SRRM2: variants seen among roughly 807,000 people sequenced by gnomAD.
The protein encoded by SRRM2 is serine/arginine repetitive matrix 2, also known as serine/arginine repetitive matrix protein 2.
SRRM2 carries 30 observed loss-of-function variants against 213.8 expected under a neutral mutation model. The observed-to-expected ratio is 0.14, with a 90% CI of 0.10 to 0.19. The LOEUF (loss-of-function observed/expected upper bound fraction) is 0.19. Among genes scored for constraint, SRRM2 ranks in the 10% least tolerant of loss-of-function variants. SRRM2 has a pLI of 1.00. For missense variants in SRRM2, 4,904 were observed against 3,647.0 expected (o/e 1.34, Z -8.88); for synonymous variants, 2,025 against 1,377.7 (o/e 1.47, Z -10.40).
At chr16:2,754,928 A>C (rs555897079) in intron 1 of SRRM2, among the ~76,000 whole-genome samples, 15 of 151,992 alleles carry the variant, frequency 9.9e-5, no homozygotes, top group Non-Finnish European at 1.9e-4. Flanking sequence ...TTGGGTAGGG[A>C]CCCATCCTTA....
At position 2,763,440 on chromosome 16, in the gene SRRM2, G is replaced by T. The variant is rs1311607994; in HGVS notation, c.2912G>T (p.Gly971Val). 2 of 1,613,940 alleles carry T rather than the reference G, an allele frequency of 1.2e-6. No individual in the cohort carries two copies. Among genetic ancestry groups the T allele is most frequent in the East Asian group, 2.2e-5 (1 of 44,890 alleles). Residue 971 changes from glycine (G) to valine (V), a missense_variant, in exon 11 of 15, where the codon GGG (glycine) becomes GTG (valine). By Grantham distance (109) the Gly-to-Val change is moderately radical. Transcript: ENST00000301740. The stretch of plus-strand genomic sequence containing the variant: ...TTGTTGCCAAGATACAGTCATTCTG[G>T]GTCCTCCTCACCAGATACCAAAGTG... ...SRLLPRYSHS[G>V]SSSPDTKVKP...
intron 1 of SRRM2, among the ~76,000 whole-genome samples, 192 bp downstream of exon 1, chr16:2,753,038 C>CG (rs888937524): frequency 2.0e-5 from 3 of 147,712 alleles, no homozygotes; most frequent in African/African-American, 7.7e-5. Context: ...CGGGCTTCAC[C>CG]CCCCCCCGCC....
At chr16:2,770,097 C>G in intron 12 of SRRM2, 1 of 1,382,866 alleles carries the variant, frequency 7.2e-7, no homozygotes, top group Non-Finnish European at 9.4e-7. Flanking sequence ...CCGTGCGTGC[C>G]TTTCTTCACC....
Position 2,766,241 on chromosome 16 carries a change from T to C in SRRM2, c.5713T>C (p.Ser1905Pro), listed in dbSNP as rs1187281639. 6.2e-7 allele frequency: 1 copy of C among 1,613,974 alleles called. No individual in the cohort carries two copies. The highest frequency in any genetic ancestry group is 8.5e-7 in the Non-Finnish European group (1 of 1,180,026). ...CCGGAGACGGTCAAGGTCCAGGACT[T>C]CAGTGACTCGACGAAGATCCCGGTC... ...VSRRRSRSRT[S>P]VTRRRSRSRA... is the part of the protein sequence containing the mutation. Residue 1905 changes from serine (S) to proline (P), a missense_variant, in exon 11 of 15, where the codon TCA (serine) becomes CCA (proline). Ser to Pro is a moderately conservative substitution (Grantham distance 74, BLOSUM62 -1). Coordinates refer to ENST00000301740, the MANE Select transcript of SRRM2 (RefSeq NM_016333.4). This position sits in a 1 kb window ranked among gnomAD's most constrained non-coding sequence, Gnocchi z 7.0.
At chr16:2,769,549 G>A (rs1305424649) in intron 12 of SRRM2, 4 of 645,988 alleles carry the variant, frequency 6.2e-6, no homozygotes, top group Admixed American at 4.2e-5. Context: ...CTGTTCCCAG[G>A]GTTCTAGCTT....
chr16:2,765,792 C>A lies in SRRM2; in HGVS notation c.5264C>A (p.Thr1755Lys), dbSNP rs1365123529. ...TCAGCTTCATCTCCACGCACTAAGACAACCTCAAGGAGAGGCCGCTCTCCT... is the reference window on the plus strand; with the variant it reads ...TCAGCTTCATCTCCACGCACTAAGAAAACCTCAAGGAGAGGCCGCTCTCCT... ...RRSASSPRTK[T>K]TSRRGRSPSP... The change falls in exon 11 of 15, where the codon ACA (threonine) becomes AAA (lysine). Residue 1755 changes from threonine (T) to lysine (K), a missense_variant. By Grantham distance (78) the Thr-to-Lys change is moderately conservative. Transcript: ENST00000301740. 1.2e-6 allele frequency: 2 copies of A among 1,614,144 alleles called. No individual in the cohort carries two copies. The highest frequency in any genetic ancestry group is 3.3e-5 in the Admixed American group (2 of 60,030).
At chr16:2,759,276 C>T (rs1299430779) in intron 7 of SRRM2, 76 bp from the exon 8 acceptor site, 121 of 1,605,910 alleles carry the variant, frequency 7.5e-5, no homozygotes, top group Non-Finnish European at 9.4e-5. Context: ...GTCAACACTC[C>T]CTCTTTCCAT....
intron 4 of SRRM2, 23 bp from the exon 5 acceptor site, chr16:2,758,447 T>A: frequency 6.3e-7 from 1 of 1,598,078 alleles, no homozygotes; most frequent in Non-Finnish European, 8.6e-7. Flanking sequence ...CACCCATCTC[T>A]GCTGCTTTTC....
chr16:2,769,524 C>G (rs1403531145), intron 12 of SRRM2: 4 of 635,700 alleles, frequency 6.3e-6, no homozygotes, highest in Non-Finnish European at 1.1e-5. Flanking sequence ...TCCTCTCCCT[C>G]CCTCAACACA....
intron 10 of SRRM2, among the ~76,000 whole-genome samples, chr16:2,761,138 C>T (rs931734787): frequency 5.9e-5 from 9 of 152,186 alleles, no homozygotes; most frequent in South Asian, 2.1e-4. Context: ...TCCTGGGCTG[C>T]TTTTTTACTC....
Position 2,766,538 on chromosome 16 carries a change from A to G in SRRM2, c.6010A>G (p.Arg2004Gly), listed in dbSNP as rs758332102. The stretch of plus-strand genomic sequence containing the variant: ...ATCTCGCACATCTCCAGTAACTCGA[A>G]GAAGGTCCCGCTCTCGAACCTCACC... ...SRSRTSPVTRRRSRSRTSPVT... is the reference protein window; with the variant it reads ...SRSRTSPVTRGRSRSRTSPVT... Residue 2004 changes from arginine to glycine, a missense_variant, in exon 11 of 15, where the codon AGA becomes GGA. By Grantham distance (125) the Arg-to-Gly change is moderately radical (BLOSUM62 -2). Coordinates refer to ENST00000301740, the MANE Select transcript of SRRM2 (RefSeq NM_016333.4). This position sits in a 1 kb window ranked among gnomAD's most constrained non-coding sequence, Gnocchi z 7.0. 1.4e-5 allele frequency: 22 copies of G among 1,613,554 alleles called. No individual in the cohort carries two copies. In the South Asian group the frequency reaches 2.2e-4, roughly 16 times the overall value.
Position 2,759,333 on chromosome 16 carries a change from A to G in SRRM2, c.690-19A>G, listed in dbSNP as rs752474487. The G allele has an allele frequency of 1.6e-5, 25 of 1,609,010 alleles. No homozygotes were observed. Among genetic ancestry groups the G allele is most frequent in the African/African-American group, 1.5e-4 (11 of 74,480 alleles). On this transcript the variant is annotated intron_variant, in intron 7 of 14. Coordinates refer to ENST00000301740, the MANE Select transcript of SRRM2 (RefSeq NM_016333.4). The stretch of plus-strand genomic sequence containing the variant: ...TTTTTTAAAGAAGTTACTTTTAACA[A>G]CCTTTCCTTATTTCCCAGGTCTCCC...
In SRRM2 at chr16:2,769,146, C is replaced by T. The variant is rs778293989; in HGVS notation, c.7883C>T (p.Ser2628Phe). Residue 2628 changes from serine to phenylalanine, a missense_variant, in exon 12 of 15, where the codon TCC becomes TTC. Physicochemically the swap from Ser to Phe is radical, Grantham distance 155 (BLOSUM62 -2). Coordinates refer to ENST00000301740, the MANE Select transcript of SRRM2 (RefSeq NM_016333.4). ...TCCTCCTCCTCCTCCTCCTCTTCTT[C>T]CTCCTCCTCTTCCTCTTCTTCTTCT... is the stretch of plus-strand genomic sequence containing the variant. ...SSSSSSSSSSSSSSSSSSSSS... is the reference protein window; with the variant it reads ...SSSSSSSSSSFSSSSSSSSSS... The T allele has an allele frequency of 1.9e-6, 3 of 1,612,378 alleles. No homozygotes were observed. The highest frequency in any genetic ancestry group is 1.3e-5 in the African/African-American group (1 of 74,984).
chr16:2,764,085 A>C lies in SRRM2; in HGVS notation c.3557A>C (p.Lys1186Thr), dbSNP rs1262617545. 3 of 1,614,016 alleles carry C rather than the reference A, an allele frequency of 1.9e-6. No homozygotes were observed. The highest frequency in any genetic ancestry group is 1.7e-5 in the Admixed American group (1 of 60,004). Reference protein sequence around the residue: ...ATASPPRQKDKFSPFPVQDRP... With the variant: ...ATASPPRQKDTFSPFPVQDRP... The stretch of plus-strand genomic sequence containing the variant: ...GCATCACCTCCTAGACAGAAAGACA[A>C]ATTTAGTCCCTTTCCAGTACAGGAT... Residue 1186 changes from lysine to threonine, a missense_variant, in exon 11 of 15, where the codon AAA (lysine) becomes ACA (threonine). By Grantham distance (78) the Lys-to-Thr change is moderately conservative (BLOSUM62 -1). Coordinates refer to ENST00000301740, the MANE Select transcript of SRRM2 (RefSeq NM_016333.4).
chr16:2,771,260 G>T lies in SRRM2; in HGVS notation c.*393G>T. 1.3e-6 allele frequency: 1 copy of T among 748,646 alleles called. No homozygotes were observed. The highest frequency in any genetic ancestry group is 2.3e-6 in the Non-Finnish European group (1 of 432,422). 46.4% of individuals were successfully genotyped at this position (748,646 alleles called of 1,614,324 possible). On this transcript the variant is annotated 3_prime_UTR_variant, in exon 15 of 15. Transcript: ENST00000301740. ...TATAAGGTGTTCTTGGAAGGAAGGG[G>T]CAGGAGTTGGAATTAGTTGGTCCCT...
chr16:2,770,782 A>G, intron 14 of SRRM2, 65 bp downstream of exon 14: 8 of 1,609,340 alleles, frequency 5.0e-6, no homozygotes, highest in Non-Finnish European at 6.8e-6. Context: ...TGGCGGCCCC[A>G]TTTTGGGAGT....
At chr16:2,756,716 G>A in intron 2 of SRRM2, 110 bp downstream of exon 2, 2 of 1,442,528 alleles carry the variant, frequency 1.4e-6, no homozygotes, top group Non-Finnish European at 1.9e-6. Flanking sequence ...GCAAAGAGTT[G>A]TGGTAGGGGA....
At chr16:2,757,015 A>G (rs1373110180) in intron 2 of SRRM2, among the ~76,000 whole-genome samples, 1 of 152,188 alleles carries the variant, frequency 6.6e-6, no homozygotes, top group Non-Finnish European at 1.5e-5. Flanking sequence ...GCAGGAAAAG[A>G]GGAATTAGAA....
intron 12 of SRRM2, 148 bp from the exon 13 acceptor site, chr16:2,770,204 G>C: frequency 6.9e-7 from 1 of 1,449,712 alleles, no homozygotes; most frequent in Non-Finnish European, 9.1e-7. Flanking sequence ...GTGTGCGGGC[G>C]GATGGGTGAG....
Sources: allele counts gnomAD v4.1 joint callset (sites outside exome capture counted in the v4.1 genomes callset), GRCh38; gene constraint gnomAD v4.1.1; non-coding constraint Gnocchi (gnomAD v3.1); transcripts MANE v1.5; gene names NCBI Gene and HGNC (gene_info 2026-07-23, HGNC 2026-07-21).